PSME3IP1: variants seen among roughly 807,000 people sequenced by gnomAD.
The protein encoded by PSME3IP1 is PSME3-interacting protein.
PSME3IP1 carries 13 observed loss-of-function variants against 34.1 expected under a neutral mutation model. The observed-to-expected ratio is 0.38, with a 90% CI of 0.25 to 0.61. The LOEUF (loss-of-function observed/expected upper bound fraction) is 0.61, where lower values mean the gene tolerates loss of function less well. Among genes scored for constraint, PSME3IP1 ranks in the 20% least tolerant of loss-of-function variants. PSME3IP1 has a pLI of 0.60. For synonymous variants in PSME3IP1, 93 were observed against 114.3 expected (o/e 0.81, Z 1.19); for missense variants, 237 against 301.4 (o/e 0.79, Z 1.58).
chr16:57,159,416 G>A (rs1480270388), intron 6 of PSME3IP1, among the ~76,000 whole-genome samples: 2 of 152,196 alleles, frequency 1.3e-5, no homozygotes, highest in African/African-American at 2.4e-5. Flanking sequence ...ATTACTAATA[G>A]AGAATGTTCT....
intron 1 of PSME3IP1, among the ~76,000 whole-genome samples, chr16:57,183,653 A>G (rs2073918825): frequency 6.6e-6 from 1 of 152,234 alleles, no homozygotes; most frequent in African/African-American, 2.4e-5. Context: ...ATTCTTAAAT[A>G]GAAAAGCTAA....
intron 1 of PSME3IP1, chr16:57,185,514 T>A (rs1455332736): frequency 1.0e-6 from 1 of 985,356 alleles, no homozygotes; most frequent in Non-Finnish European, 1.2e-6. Flanking sequence ...GAACGGAGCC[T>A]GCTACTCACT....
chr16:57,176,723 G>C (rs554616676), intron 1 of PSME3IP1, among the ~76,000 whole-genome samples: 1 of 152,210 alleles, frequency 6.6e-6, no homozygotes, highest in South Asian at 2.1e-4. Flanking sequence ...TTATAAGATG[G>C]AGAAAAATAA....
chr16:57,154,201 G>GTT lies in PSME3IP1; in HGVS notation c.*87_*88dup. The GTT allele has an allele frequency of 7.2e-6, 8 of 1,104,168 alleles. No individual in the cohort carries two copies. Among genetic ancestry groups the GTT allele is most frequent in the Non-Finnish European group, 1.1e-5 (8 of 757,218 alleles). The allele number at this position is 1,104,168 out of a possible 1,614,324, so 68.4% of individuals were successfully genotyped here. On this transcript the variant is annotated 3_prime_UTR_variant, in exon 7 of 7. Coordinates refer to ENST00000309137, the MANE Select transcript of PSME3IP1 (RefSeq NM_024946.4). This position sits in a 1 kb window ranked among gnomAD's most constrained non-coding sequence, Gnocchi z 4.0. ...TTGTACACAGGATGCAGGCAAAGGAGTTTTTTTTTGAGGGACATAATGCCT... is the reference window on the plus strand; with the variant it reads ...TTGTACACAGGATGCAGGCAAAGGAGTTTTTTTTTTTGAGGGACATAATGCCT...
At chr16:57,174,646 A>G in intron 1 of PSME3IP1, 1 of 985,460 alleles carries the variant, frequency 1.0e-6, no homozygotes, top group Non-Finnish European at 1.2e-6. Context: ...GTAGATTAAG[A>G]TGGAGAATCT....
In PSME3IP1 at chr16:57,173,816, C is replaced by G; in HGVS notation, c.39G>C (p.Lys13Asn). ...CTAGTTCTGCCTCAGACACAAACCT[C>G]TTTTTGATAATAAGGTTACCATCAT... ...GGDDGNLIIK[K>N]RFVSEAELDE... Residue 13 changes from lysine to asparagine, a missense_variant, in exon 2 of 7, where the codon AAG becomes AAC. Lys to Asn is a moderately conservative substitution (Grantham distance 94). Coordinates refer to ENST00000309137, the MANE Select transcript of PSME3IP1 (RefSeq NM_024946.4). 1.2e-6 allele frequency: 2 copies of G among 1,614,016 alleles called. No individual in the cohort carries two copies. The highest frequency in any genetic ancestry group is 1.7e-6 in the Non-Finnish European group (2 of 1,179,980).
At chr16:57,159,701 T>C (rs544394616) in intron 6 of PSME3IP1, among the ~76,000 whole-genome samples, 2 of 152,322 alleles carry the variant, frequency 1.3e-5, no homozygotes, top group East Asian at 1.9e-4. Flanking sequence ...AGAAGGGATT[T>C]AGAATGACAA....
rs2070157036 is a variant in PSME3IP1, at chr16:57,153,477, C to G, written c.*813G>C. 6.6e-6 allele frequency: 1 copy of G among 152,224 alleles called. No homozygotes were observed. Among genetic ancestry groups the G allele is most frequent in the Admixed American group, 6.5e-5 (1 of 15,284 alleles). 9.4% of individuals were successfully genotyped at this position (152,224 alleles called of 1,614,324 possible). A position where few individuals can be genotyped will look rare whatever the true frequency, so the allele number is the denominator to read the frequency against. ...TAAGTCATCTCATTAACATACCTAC[C>G]TGCAGTTCTGATGTCTGGCTATTAG... On this transcript the variant is annotated 3_prime_UTR_variant, in exon 7 of 7. Transcript: ENST00000309137.
intron 1 of PSME3IP1, among the ~76,000 whole-genome samples, chr16:57,178,291 A>G (rs1686499468): frequency 6.6e-6 from 1 of 152,166 alleles, no homozygotes; most frequent in South Asian, 2.1e-4. Flanking sequence ...CAGACTAAAG[A>G]CCATCTCCTT....
At chr16:57,183,273 G>A (rs373347151) in intron 1 of PSME3IP1, among the ~76,000 whole-genome samples, 4 of 152,280 alleles carry the variant, frequency 2.6e-5, no homozygotes, top group African/African-American at 7.2e-5. Flanking sequence ...TCTTGAAATA[G>A]TGGGCTAGGT....
chr16:57,178,510 C>G lies in PSME3IP1; in HGVS notation c.-15-4641G>C. The G allele has an allele frequency of 8.1e-6, 8 of 981,938 alleles. No individual in the cohort carries two copies. In the South Asian group the frequency reaches 2.8e-4, roughly 35 times the overall value. The allele number at this position is 981,938 out of a possible 1,614,324, so 60.8% of individuals were successfully genotyped here. ...GGTATTCAAATACTTACTGAATAAA[C>G]CAACCACGAGGAGCTGAAGAATCTG... On this transcript the variant is annotated intron_variant, in intron 1 of 6. Transcript: ENST00000309137.
At chr16:57,171,790 T>A (rs1192872658) in intron 4 of PSME3IP1, among the ~76,000 whole-genome samples, 1 of 152,224 alleles carries the variant, frequency 6.6e-6, no homozygotes, top group African/African-American at 2.4e-5. Flanking sequence ...GACATTCAAG[T>A]GGATGACCAA....
At chr16:57,165,975 G>T (rs1214738947) in intron 5 of PSME3IP1, among the ~76,000 whole-genome samples, 1 of 151,984 alleles carries the variant, frequency 6.6e-6, no homozygotes, top group African/African-American at 2.4e-5. Flanking sequence ...TCCAAATCCT[G>T]CGAGTCCCTA....
intron 1 of PSME3IP1, among the ~76,000 whole-genome samples, chr16:57,177,115 A>G (rs1294791446): frequency 6.6e-6 from 1 of 151,996 alleles, no homozygotes; most frequent in Non-Finnish European, 1.5e-5. Flanking sequence ...TTGGCCTCCC[A>G]AAGTGTTGGG....
At chr16:57,172,150 C>T in intron 4 of PSME3IP1, 101 bp downstream of exon 4, 1 of 1,257,722 alleles carries the variant, frequency 8.0e-7, no homozygotes, top group Non-Finnish European at 1.1e-6. Flanking sequence ...TGAGAGATCA[C>T]CAGGTAGAAA....
chr16:57,165,312 A>G (rs937009169), intron 5 of PSME3IP1, among the ~76,000 whole-genome samples: 2 of 152,176 alleles, frequency 1.3e-5, no homozygotes, highest in African/African-American at 4.8e-5. Flanking sequence ...ATCATAATGG[A>G]TATTTTAAAA....
intron 3 of PSME3IP1, 31 bp downstream of exon 3, chr16:57,172,745 C>T (rs1260513524): frequency 2.0e-6 from 3 of 1,469,034 alleles, no homozygotes; most frequent in Non-Finnish European, 2.9e-6. Context: ...CCCCACAGAG[C>T]CCCTTGAACT....
At chr16:57,184,633 C>CA (rs1191159654) in intron 1 of PSME3IP1, among the ~76,000 whole-genome samples, 2 of 152,234 alleles carry the variant, frequency 1.3e-5, no homozygotes, top group Non-Finnish European at 2.9e-5. Context: ...ACGTACATCG[C>CA]ACTTGTTACT....
intron 6 of PSME3IP1, among the ~76,000 whole-genome samples, chr16:57,157,568 CT>C (rs1263373190): frequency 6.6e-6 from 1 of 151,592 alleles, no homozygotes; most frequent in Non-Finnish European, 1.5e-5. Flanking sequence ...GGGAGACTTA[CT>C]TTTTACTCCA....
Sources: gnomAD v4.1 joint callset for allele counts (sites outside exome capture counted in the v4.1 genomes callset) on GRCh38, gnomAD v4.1.1 for gene constraint, Gnocchi (gnomAD v3.1) non-coding constraint, MANE v1.5 for transcripts, NCBI Gene and HGNC (gene_info 2026-07-23, HGNC 2026-07-21) for gene names.